The following PRELID2 variants were observed in gnomAD, a reference collection of about 807,000 sequenced individuals.
PRELID2 encodes PRELI domain containing 2.
A neutral mutation model predicts 28.4 loss-of-function variants in PRELID2; 25 were observed. That is an observed-to-expected ratio of 0.88 (90% CI 0.64 to 1.23). PRELID2 has a LOEUF of 1.23. PRELID2 is among the 50% of genes most tolerant of loss of function. The probability of loss-of-function intolerance (pLI) is 0.00; values close to 1 mark genes in which losing one functional copy is unlikely to be tolerated. For synonymous variants in PRELID2, 76 were observed against 71.6 expected (o/e 1.06, Z -0.31); for missense variants, 201 against 214.4 (o/e 0.94, Z 0.39).
the PRELID2 span, among the ~76,000 whole-genome samples, chr5:145,374,626 AC>A: frequency 2.0e-5 from 3 of 151,924 alleles, no homozygotes; most frequent in African/African-American, 7.3e-5. Flanking sequence ...CCAGTCAATC[AC>A]AGCTTTGGTC....
the PRELID2 span, among the ~76,000 whole-genome samples, chr5:145,231,520 T>C: frequency 6.6e-6 from 1 of 152,242 alleles, no homozygotes; most frequent in Non-Finnish European, 1.5e-5. Context: ...ATTTAAAATC[T>C]GCACTGGCAA....
the PRELID2 span, among the ~76,000 whole-genome samples, chr5:145,256,124 T>C: frequency 6.6e-6 from 1 of 151,846 alleles, no homozygotes; most frequent in Non-Finnish European, 1.5e-5. Context: ...ATAGTGTTAT[T>C]TTCTGCAGGC....
chr5:145,313,990 T>C, the PRELID2 span, among the ~76,000 whole-genome samples: 3 of 152,198 alleles, frequency 2.0e-5, no homozygotes, highest in African/African-American at 4.8e-5. Context: ...TATTTTCCAA[T>C]TGGAAATTTT....
At chr5:145,826,181 C>A (rs1011071182) in intron 1 of PRELID2, 2 of 985,236 alleles carry the variant, frequency 2.0e-6, no homozygotes, top group East Asian at 2.3e-4. Context: ...CTCATTCAGT[C>A]CTTCTCAAAG....
chr5:145,267,009 C>T, the PRELID2 span, among the ~76,000 whole-genome samples: 1 of 152,014 alleles, frequency 6.6e-6, no homozygotes, highest in African/African-American at 2.4e-5. Flanking sequence ...ATACAATGGA[C>T]TTTGGGGACT....
At chr5:145,800,424 T>G (rs899613799) in intron 4 of PRELID2, among the ~76,000 whole-genome samples, 3 of 152,100 alleles carry the variant, frequency 2.0e-5, no homozygotes, top group Non-Finnish European at 4.4e-5. Flanking sequence ...GATTTGCTCA[T>G]GTAAAACTAT....
intron 1 of PRELID2, among the ~76,000 whole-genome samples, chr5:145,725,278 T>TA (rs1013106345): frequency 6.6e-6 from 1 of 152,118 alleles, no homozygotes; most frequent in Non-Finnish European, 1.5e-5. Context: ...AATTCACATT[T>TA]AAAAAACAAT....
chr5:145,830,185 T>C (rs1219920021), intron 1 of PRELID2, among the ~76,000 whole-genome samples: 2 of 152,180 alleles, frequency 1.3e-5, no homozygotes, highest in Non-Finnish European at 1.5e-5. Flanking sequence ...TTTGGGTAAT[T>C]GGGATACATC....
At chr5:145,740,985 T>C (rs1432511929) in intron 1 of PRELID2, among the ~76,000 whole-genome samples, 10 of 114,194 alleles carry the variant, frequency 8.8e-5, no homozygotes, top group Admixed American at 3.3e-4. Context: ...TATTTGTGTA[T>C]AAATAAAATA....
intron 1 of PRELID2, among the ~76,000 whole-genome samples, chr5:145,487,383 A>G (rs934170850): frequency 6.6e-6 from 1 of 152,176 alleles, no homozygotes; most frequent in African/African-American, 2.4e-5. Flanking sequence ...GGTGGAAACT[A>G]TCTGATCCCA....
downstream of PRELID2, among the ~76,000 whole-genome samples, chr5:145,469,387 T>C (rs977270984): frequency 4.6e-5 from 7 of 152,126 alleles, no homozygotes; most frequent in Non-Finnish European, 8.8e-5. Context: ...CCTTTACCTA[T>C]GGATAAAATG....
At chr5:145,815,020 GTGC>G (rs1362554547) in intron 4 of PRELID2, among the ~76,000 whole-genome samples, 3 of 152,210 alleles carry the variant, frequency 2.0e-5, no homozygotes, top group Non-Finnish European at 4.4e-5. Context: ...CCCAATTCAT[GTGC>G]TGAAACTTTA....
At chr5:145,656,062 AC>A (rs1490221442) in intron 1 of PRELID2, among the ~76,000 whole-genome samples, 1 of 152,174 alleles carries the variant, frequency 6.6e-6, no homozygotes, top group East Asian at 1.9e-4. Flanking sequence ...TGAGAAAAAA[AC>A]AAACAACCCC....
chr5:145,682,204 G>C (rs914804611), intron 1 of PRELID2, among the ~76,000 whole-genome samples: 6 of 152,162 alleles, frequency 3.9e-5, no homozygotes, highest in African/African-American at 1.4e-4. Flanking sequence ...AAAATAAAAA[G>C]CCACAAAGAG....
chr5:145,707,921 AC>A (rs1450343040), intron 1 of PRELID2, among the ~76,000 whole-genome samples: 1 of 152,026 alleles, frequency 6.6e-6, no homozygotes, highest in Non-Finnish European at 1.5e-5. Flanking sequence ...CTCAGCCCCC[AC>A]CCCACACAAT....
chr5:145,232,284 A>G, the PRELID2 span, among the ~76,000 whole-genome samples: 1 of 152,190 alleles, frequency 6.6e-6, no homozygotes, highest in Admixed American at 6.5e-5. Context: ...TTCATTTCTC[A>G]CAACACTGAG....
At chr5:145,642,595 C>T (rs1329935782) in intron 1 of PRELID2, among the ~76,000 whole-genome samples, 4 of 152,176 alleles carry the variant, frequency 2.6e-5, no homozygotes, top group Admixed American at 2.6e-4. Flanking sequence ...TTGCCCATGC[C>T]TATGTCCTGA....
At chr5:145,667,813 C>T (rs980643154) in intron 1 of PRELID2, among the ~76,000 whole-genome samples, 1 of 152,076 alleles carries the variant, frequency 6.6e-6, no homozygotes. Flanking sequence ...CAAATGTTAG[C>T]TTTCTTCCTC....
At chr5:145,293,428 T>G in the PRELID2 span, among the ~76,000 whole-genome samples, 1 of 152,200 alleles carries the variant, frequency 6.6e-6, no homozygotes, top group Non-Finnish European at 1.5e-5. Context: ...ACAATAATCC[T>G]AGATAGTAGC....
Sources: gnomAD v4.1 joint callset for allele counts (sites outside exome capture counted in the v4.1 genomes callset) on GRCh38, gnomAD v4.1.1 for gene constraint, MANE v1.5 for transcripts, NCBI Gene and HGNC (gene_info 2026-07-23, HGNC 2026-07-21) for gene names.